Variants in MBD5 observed in about 807,000 individuals in gnomAD.
MBD5 encodes the protein methyl-CpG binding domain protein 5.
Under a neutral mutation model 117.3 loss-of-function variants are expected in MBD5, and 13 were observed. That is an observed-to-expected ratio of 0.11 (90% CI 0.07 to 0.18). The LOEUF (loss-of-function observed/expected upper bound fraction) is 0.18. Among genes scored for constraint, MBD5 ranks in the 10% least tolerant of loss-of-function variants. The pLI is 1.00. For missense variants in MBD5, 1,879 were observed against 2,093.8 expected (o/e 0.90, Z 2.00); for synonymous variants, 727 against 766.4 (o/e 0.95, Z 0.85).
chr2:148,202,000 C>T (rs957095753), intron 2 of MBD5, among the ~76,000 whole-genome samples: 4 of 152,136 alleles, frequency 2.6e-5, no homozygotes, highest in Non-Finnish European at 1.5e-5. Flanking sequence ...CTTGGATTTA[C>T]CTGAGATTTG....
At chr2:148,238,002 A>G (rs977322600) in intron 3 of MBD5, among the ~76,000 whole-genome samples, 1 of 152,202 alleles carries the variant, frequency 6.6e-6, no homozygotes, top group African/African-American at 2.4e-5. Flanking sequence ...TAATAAGCTT[A>G]GGTTCTTAGC....
chr2:148,337,250 TGTTTTTAGTGGTACTCTAG>T (rs1470317356), intron 3 of MBD5, among the ~76,000 whole-genome samples: 1 of 152,166 alleles, frequency 6.6e-6, no homozygotes, highest in African/African-American at 2.4e-5. Context: ...GTGTACTCTA[TGTTTTTAGTGGTACTCTAG>T]GTTTTTAGTG....
chr2:148,341,327 TTAATG>T (rs1308249062), intron 3 of MBD5, among the ~76,000 whole-genome samples: 11 of 151,986 alleles, frequency 7.2e-5, no homozygotes, highest in Non-Finnish European at 1.3e-4. Flanking sequence ...TTTCTCCATT[TTAATG>T]TAAGTTTTTT....
chr2:148,333,388 G>T (rs1219216038), intron 3 of MBD5, among the ~76,000 whole-genome samples: 1 of 152,154 alleles, frequency 6.6e-6, no homozygotes, highest in Non-Finnish European at 1.5e-5. Context: ...GGGCCTGTTA[G>T]ATTCACCAAA....
intron 3 of MBD5, among the ~76,000 whole-genome samples, chr2:148,298,551 T>A (rs926558306): frequency 1.3e-5 from 2 of 152,348 alleles, no homozygotes; most frequent in East Asian, 3.9e-4. Flanking sequence ...ATTTTTATAA[T>A]TTTTTACCAG....
chr2:148,293,979 G>T (rs971541711), intron 3 of MBD5, among the ~76,000 whole-genome samples: 1 of 152,116 alleles, frequency 6.6e-6, no homozygotes, highest in Non-Finnish European at 1.5e-5. Context: ...AGAAGGAGAC[G>T]AAATATGCAT....
At chr2:148,317,369 C>T (rs74970945) in intron 3 of MBD5, among the ~76,000 whole-genome samples, 1 of 141,916 alleles carries the variant, frequency 7.0e-6, no homozygotes, top group Non-Finnish European at 1.5e-5. Context: ...AACTCCGCCT[C>T]AAAAAAAAAA....
chr2:148,344,960 A>G (rs1043319439), intron 4 of MBD5, among the ~76,000 whole-genome samples: 1 of 151,892 alleles, frequency 6.6e-6, no homozygotes, highest in Non-Finnish European at 1.5e-5. Context: ...GAAGGGTTCC[A>G]TGACATATAA....
intron 4 of MBD5, among the ~76,000 whole-genome samples, chr2:148,387,977 G>T (rs911360917): frequency 3.9e-5 from 6 of 151,998 alleles, no homozygotes; most frequent in Admixed American, 1.3e-4. Context: ...GGGTTTTTGG[G>T]GAATCTAAAC....
chr2:148,230,813 T>C (rs1699965084), intron 2 of MBD5, among the ~76,000 whole-genome samples: 1 of 152,118 alleles, frequency 6.6e-6, no homozygotes, highest in South Asian at 2.1e-4. Context: ...CAGGTTGCCT[T>C]GTTGCCCAGG....
chr2:148,116,019 T>C (rs911154192), intron 1 of MBD5, among the ~76,000 whole-genome samples: 3 of 151,686 alleles, frequency 2.0e-5, no homozygotes, highest in African/African-American at 7.3e-5. Context: ...AACTTTTGTA[T>C]TTTTTTTAGA....
At chr2:148,053,630 G>T (rs1185067978) in intron 1 of MBD5, among the ~76,000 whole-genome samples, 1 of 151,748 alleles carries the variant, frequency 6.6e-6, no homozygotes, top group East Asian at 1.9e-4. Flanking sequence ...TTATACAAAG[G>T]AACTTACACC....
intron 1 of MBD5, among the ~76,000 whole-genome samples, chr2:148,041,735 G>A (rs1421313507): frequency 6.6e-6 from 1 of 152,168 alleles, no homozygotes. Context: ...TGGGGCAAAA[G>A]AAGGTTCTGC....
At chr2:148,355,074 T>C (rs1703343759) in intron 4 of MBD5, among the ~76,000 whole-genome samples, 1 of 152,176 alleles carries the variant, frequency 6.6e-6, no homozygotes, top group African/African-American at 2.4e-5. Context: ...TGTCTTCTTT[T>C]GAGAAGTGTC....
rs1318049947 is a variant in MBD5 at position 148,155,623 on chromosome 2, T to C, written c.-924-23077T>C. On this transcript the variant is annotated intron_variant, in intron 1 of 13. Transcript: ENST00000642680. The stretch of plus-strand genomic sequence containing the variant: ...TTTGCCTTCATTTGGGCTTTTATCA[T>C]GGTCACCCAGCTGGTCTGCTGCCAG... 2.6e-5 allele frequency among the ~76,000 whole-genome samples: 4 copies of C among 152,228 alleles called. 1 individual carries two copies. The East Asian group carries it at 7.7e-4, about 29-fold the overall frequency.
intron 3 of MBD5, among the ~76,000 whole-genome samples, chr2:148,325,461 GT>G (rs1225115721): frequency 3.3e-5 from 5 of 152,160 alleles, no homozygotes; most frequent in African/African-American, 1.2e-4. Flanking sequence ...AATCCGTCTG[GT>G]CCTGGACTCT....
At chr2:148,222,498 C>A (rs191245730) in intron 2 of MBD5, among the ~76,000 whole-genome samples, 4 of 151,816 alleles carry the variant, frequency 2.6e-5, no homozygotes, top group African/African-American at 9.7e-5. Flanking sequence ...AAGTTAATTC[C>A]TAGGTATTTA....
At chr2:148,257,174 A>G (rs4972275) in intron 3 of MBD5, among the ~76,000 whole-genome samples, 35,219 of 152,120 alleles carry the variant, frequency 0.23, 4,471 homozygotes, top group East Asian at 0.53. Context: ...ACAGGCCCCA[A>G]ACAAAACCAT....
At chr2:148,108,091 C>G (rs114942670) in intron 1 of MBD5, among the ~76,000 whole-genome samples, 3,254 of 147,866 alleles carry the variant, frequency 0.022, 121 homozygotes, top group African/African-American at 0.075. Flanking sequence ...GAGTTCCAAA[C>G]TTCTGTACAG....
Sources: gnomAD v4.1 joint callset for allele counts (sites outside exome capture counted in the v4.1 genomes callset) on GRCh38, gnomAD v4.1.1 for gene constraint, MANE v1.5 for transcripts, NCBI Gene and HGNC (gene_info 2026-07-23, HGNC 2026-07-21) for gene names.